The following ELMO1 variants were observed in gnomAD, a reference collection of about 807,000 sequenced individuals.
ELMO1 encodes engulfment and cell motility protein 1.
A neutral mutation model predicts 98.9 loss-of-function variants in ELMO1; 26 were observed. The ratio of observed to expected loss-of-function variants is 0.26; its 90% CI spans 0.19 to 0.36. The LOEUF (loss-of-function observed/expected upper bound fraction) is 0.36. Among genes scored for constraint, ELMO1 ranks in the 10% least tolerant of loss-of-function variants. ELMO1 has a pLI of 1.00. For missense variants in ELMO1, 627 were observed against 935.2 expected, an observed-to-expected ratio of 0.67 and a Z score of 4.30; for synonymous variants, 346 against 346.0, an observed-to-expected ratio of 1.00 and a Z score of 0.00.
Position 37,221,115 on chromosome 7 carries a change from C to A in ELMO1, c.780+1500G>T, listed in dbSNP as rs576431400. On this transcript the variant is annotated intron_variant, in intron 10 of 21. Transcript: ENST00000310758. ...TCCTAAAAATCCAGCCACGGTAAGA[C>A]TGCCCCTAGCACAGGCTTGTGGAGG... 3.3e-5 allele frequency among the ~76,000 whole-genome samples: 5 copies of A among 152,334 alleles called. No individual in the cohort carries two copies. The East Asian group carries it at 7.7e-4, about 24-fold the overall frequency.
chr7:36,889,545 A>T (rs1337772247), intron 17 of ELMO1, among the ~76,000 whole-genome samples: 2 of 152,224 alleles, frequency 1.3e-5, no homozygotes, highest in Non-Finnish European at 2.9e-5. Flanking sequence ...AGAGTTTTGG[A>T]ATTTCATCAA....
intron 1 of ELMO1, among the ~76,000 whole-genome samples, chr7:37,344,650 T>A (rs555393347): frequency 6.6e-6 from 1 of 152,342 alleles, no homozygotes; most frequent in Admixed American, 6.5e-5. Flanking sequence ...TTTCCAAATT[T>A]CTCTCCATTG....
intron 13 of ELMO1, among the ~76,000 whole-genome samples, chr7:37,161,905 A>AATATATATATATATATATACATAT (rs1789230647): frequency 2.4e-5 from 1 of 42,380 alleles, no homozygotes; most frequent in Non-Finnish European, 5.1e-5. Context: ...CAGGTAATCA[A>AATATATATATATATATATACATAT]ATATATATAT....
intron 16 of ELMO1, 97 bp from the exon 17 acceptor site, chr7:36,895,114 C>T (rs1326607837): frequency 1.4e-5 from 20 of 1,408,432 alleles, no homozygotes; most frequent in Non-Finnish European, 1.6e-5. Flanking sequence ...CCCTGGTGCC[C>T]TCTGCACGCA....
chr7:37,390,604 C>T (rs1803025643), intron 1 of ELMO1, among the ~76,000 whole-genome samples: 1 of 152,102 alleles, frequency 6.6e-6, no homozygotes, highest in Admixed American at 6.5e-5. Context: ...TTCATGGTCC[C>T]CTAGGTTAGG....
At chr7:36,874,485 C>T (rs1803781819) in intron 19 of ELMO1, among the ~76,000 whole-genome samples, 1 of 152,224 alleles carries the variant, frequency 6.6e-6, no homozygotes. Flanking sequence ...ATAGTAAGCA[C>T]TCAATAAATG....
At chr7:37,242,255 T>G (rs1349979578) in intron 7 of ELMO1, among the ~76,000 whole-genome samples, 2 of 152,308 alleles carry the variant, frequency 1.3e-5, no homozygotes, top group Admixed American at 1.3e-4. Context: ...ACAGTAAAAT[T>G]TTCACTTTAT....
intron 4 of ELMO1, among the ~76,000 whole-genome samples, chr7:37,279,612 A>C (rs1363580801): frequency 2.6e-5 from 4 of 152,216 alleles, no homozygotes; most frequent in African/African-American, 7.2e-5. Context: ...TTCCGACCTT[A>C]CCTGGAGCTG....
In ELMO1 at chr7:37,448,792, T is replaced by A. The variant is rs1277327274; in HGVS notation, c.-191A>T. 8 of 152,850 alleles carry A rather than the reference T, an allele frequency of 5.2e-5. No homozygotes were observed. The highest frequency in any genetic ancestry group is 5.2e-4 in the Admixed American group (8 of 15,290). 9.5% of individuals were successfully genotyped at this position (152,850 alleles called of 1,614,324 possible). A position where few individuals can be genotyped will look rare whatever the true frequency, so the allele number is the denominator to read the frequency against. On this transcript the variant is annotated 5_prime_UTR_variant, in exon 1 of 22. Transcript: ENST00000310758. ...CGCCCAGCGTGGGGCCGCGGCGGCG[T>A]GGGTGGCTCTGCCTCTATCCTGTGC...
At chr7:37,086,367 T>TGTGTGTGTGA (rs768881408) in intron 15 of ELMO1, among the ~76,000 whole-genome samples, 2 of 147,494 alleles carry the variant, frequency 1.4e-5, no homozygotes, top group African/African-American at 5.1e-5. Context: ...TGTGTGTGTG[T>TGTGTGTGTGA]GAAGAGAAGG....
At chr7:37,114,959 A>ATATTTATTTT (rs1785486401) in intron 14 of ELMO1, among the ~76,000 whole-genome samples, 2 of 152,216 alleles carry the variant, frequency 1.3e-5, no homozygotes, top group African/African-American at 4.8e-5. Flanking sequence ...TAATAAAGGA[A>ATATTTATTTT]TATTATGAAC....
chr7:37,360,426 A>T (rs535117233), intron 1 of ELMO1, among the ~76,000 whole-genome samples: 35 of 146,904 alleles, frequency 2.4e-4, no homozygotes, highest in East Asian at 9.8e-4. Flanking sequence ...CTGAAATTTT[A>T]AAAAAAAAAA....
intron 5 of ELMO1, among the ~76,000 whole-genome samples, chr7:37,264,330 T>C (rs1459294417): frequency 6.6e-6 from 1 of 152,186 alleles, no homozygotes; most frequent in Non-Finnish European, 1.5e-5. Context: ...TATAAATGAA[T>C]ATATATACAT....
At chr7:37,294,696 G>A (rs1797941699) in intron 4 of ELMO1, among the ~76,000 whole-genome samples, 1 of 152,180 alleles carries the variant, frequency 6.6e-6, no homozygotes, top group Non-Finnish European at 1.5e-5. Flanking sequence ...TTTATGTCAT[G>A]GGATATCATA....
intron 15 of ELMO1, among the ~76,000 whole-genome samples, chr7:37,067,274 C>G (rs553743924): frequency 6.0e-4 from 92 of 152,202 alleles, no homozygotes; most frequent in African/African-American, 2.1e-3. Flanking sequence ...GGTGCCCCAT[C>G]AATTGAAAAG....
chr7:37,241,089 T>C (rs868344394), intron 7 of ELMO1, among the ~76,000 whole-genome samples: 7 of 152,238 alleles, frequency 4.6e-5, no homozygotes, highest in South Asian at 2.1e-4. Context: ...TTTGCCTCTT[T>C]TTCTCCTTAG....
chr7:36,857,968 T>C (rs1270594203), intron 21 of ELMO1, among the ~76,000 whole-genome samples: 1 of 152,202 alleles, frequency 6.6e-6, no homozygotes, highest in Non-Finnish European at 1.5e-5. Flanking sequence ...CCCAATGGTG[T>C]TCCTACTTGT....
chr7:36,870,313 T>C lies in ELMO1; in HGVS notation c.1905+80A>G. The C allele has an allele frequency of 8.0e-7, 1 of 1,243,762 alleles. No homozygotes were observed. Among genetic ancestry groups the C allele is most frequent in the Non-Finnish European group, 1.2e-6 (1 of 849,996 alleles). The allele number at this position is 1,243,762 out of a possible 1,614,324, so 77.0% of individuals were successfully genotyped here. On this transcript the variant is annotated intron_variant, in intron 20 of 21. Coordinates refer to ENST00000310758, the MANE Select transcript of ELMO1 (RefSeq NM_014800.11). This position sits in a 1 kb window ranked among gnomAD's most constrained non-coding sequence, Gnocchi z 4.4. ...ACACACGCACACACACGAACACTGC[T>C]ATAAAGGAGGGCTAGGCTGGCTGCA...
intron 13 of ELMO1, among the ~76,000 whole-genome samples, chr7:37,176,552 A>G (rs1365763232): frequency 2.6e-5 from 4 of 152,226 alleles, no homozygotes; most frequent in Admixed American, 1.3e-4. Context: ...CAAAATATAT[A>G]CAATGCATCA....
Sources: allele counts gnomAD v4.1 joint callset (sites outside exome capture counted in the v4.1 genomes callset), GRCh38; gene constraint gnomAD v4.1.1; non-coding constraint Gnocchi (gnomAD v3.1); transcripts MANE v1.5; gene names NCBI Gene and HGNC (gene_info 2026-07-23, HGNC 2026-07-21).